The following SEMA3D variants were observed in gnomAD, a reference collection of about 807,000 sequenced individuals.
SEMA3D encodes the protein semaphorin 3D.
SEMA3D carries 84 observed loss-of-function variants against 100.1 expected under a neutral mutation model. That is an observed-to-expected ratio of 0.84 (90% CI 0.70 to 1.01). The LOEUF is 1.01. Ranked by LOEUF, SEMA3D falls within the 50% of genes least tolerant of loss-of-function variation. SEMA3D has a pLI of 0.00. For missense variants in SEMA3D, 875 were observed against 934.1 expected (o/e 0.94, Z 0.82); for synonymous variants, 312 against 320.7 (o/e 0.97, Z 0.29).
At chr7:85,012,027 A>C (rs1222209964) in intron 17 of SEMA3D, among the ~76,000 whole-genome samples, 3 of 151,658 alleles carry the variant, frequency 2.0e-5, no homozygotes, top group African/African-American at 7.3e-5. Context: ...AAGTAGCTGC[A>C]GCTCTGGAAT....
chr7:85,040,753 G>A lies in SEMA3D; in HGVS notation c.977-11C>T, dbSNP rs753405227. On this transcript the variant is annotated splice_polypyrimidine_tract_variant and intron_variant, in intron 10 of 18. Transcript: ENST00000284136. Reference sequence around the variant, plus strand: ...GTAAATAAATATCTTCTATTAAAGGGGAAAAATAAATATTTACTCTTATTT... The same window carrying A: ...GTAAATAAATATCTTCTATTAAAGGAGAAAAATAAATATTTACTCTTATTT... The A allele has an allele frequency of 8.4e-7, 1 of 1,195,074 alleles. No homozygotes were observed. Among genetic ancestry groups the A allele is most frequent in the Non-Finnish European group, 1.2e-6 (1 of 806,498 alleles). 74.0% of individuals were successfully genotyped at this position (1,195,074 alleles called of 1,614,324 possible). A position where few individuals can be genotyped will look rare whatever the true frequency, so the allele number is the denominator to read the frequency against.
chr7:85,072,830 C>A lies in SEMA3D; in HGVS notation c.495+132G>T, dbSNP rs1307549033. The A allele has an allele frequency of 4.4e-6, 3 of 681,080 alleles. No homozygotes were observed. The Admixed American group carries it at 1.0e-4, about 24-fold the overall frequency. The allele number at this position is 681,080 out of a possible 1,614,324, so 42.2% of individuals were successfully genotyped here. On this transcript the variant is annotated intron_variant, in intron 6 of 18. Coordinates refer to ENST00000284136, the MANE Select transcript of SEMA3D (RefSeq NM_001384900.1). ...TTCATCCTCCTGAGTATTGGCATTA[C>A]AGGCAGGCACCTCCATGCCTGGCCA...
At chr7:85,206,609 AT>A in the SEMA3D span, among the ~76,000 whole-genome samples, 2 of 152,104 alleles carry the variant, frequency 1.3e-5, no homozygotes, top group Non-Finnish European at 2.9e-5. Flanking sequence ...AACCAGTTAC[AT>A]GTTCTTAGGT....
At chr7:85,223,364 A>G in the SEMA3D span, among the ~76,000 whole-genome samples, 1 of 151,928 alleles carries the variant, frequency 6.6e-6, no homozygotes, top group African/African-American at 2.4e-5. Context: ...TCAATCCAGC[A>G]CTCCCACTAC....
At chr7:85,073,312 C>T (rs1791828976) in intron 5 of SEMA3D, among the ~76,000 whole-genome samples, 1 of 152,184 alleles carries the variant, frequency 6.6e-6, no homozygotes, top group African/African-American at 2.4e-5. Flanking sequence ...AACCATTGAA[C>T]TAATCAGAAT....
rs117036040 is a variant in SEMA3D at position 85,139,047 on chromosome 7, G to A, written c.-41+14561C>T. Among the ~76,000 whole-genome samples, 1,277 of 152,168 alleles carry A rather than the reference G, an allele frequency of 8.4e-3. 5 individuals are homozygous for A. The highest frequency in any genetic ancestry group is 0.013 in the Non-Finnish European group (859 of 68,006). ...TTTTGGCAGTCATAAGTATAAGGGT[G>A]GCATTTATGAGAGGTGAGATTGCCA... On this transcript the variant is annotated intron_variant, in intron 2 of 18. Transcript: ENST00000284136.
At chr7:85,192,289 T>A in the SEMA3D span, among the ~76,000 whole-genome samples, 1 of 152,058 alleles carries the variant, frequency 6.6e-6, no homozygotes, top group Admixed American at 6.6e-5. Flanking sequence ...ACTTAGTAAC[T>A]AAGTGAATGT....
At chr7:85,098,417 TTAA>T (rs538493182) in intron 3 of SEMA3D, among the ~76,000 whole-genome samples, 26 of 151,998 alleles carry the variant, frequency 1.7e-4, no homozygotes, top group Admixed American at 4.6e-4. Flanking sequence ...TCTATATATA[TTAA>T]TATTTGCAAA....
intron 3 of SEMA3D, among the ~76,000 whole-genome samples, chr7:85,109,855 A>C (rs539435220): frequency 3.3e-5 from 5 of 152,022 alleles, no homozygotes; most frequent in Admixed American, 2.0e-4. Flanking sequence ...GCAGTTGCAC[A>C]TAAAAACTTT....
chr7:85,022,671 C>G, intron 12 of SEMA3D, 58 bp from the exon 13 acceptor site: 1 of 1,088,040 alleles, frequency 9.2e-7, no homozygotes, highest in Non-Finnish European at 1.4e-6. Flanking sequence ...GAAGTTCACA[C>G]TTATTTCCAA....
chr7:85,054,476 T>C (rs527963777), intron 9 of SEMA3D, among the ~76,000 whole-genome samples: 1 of 152,226 alleles, frequency 6.6e-6, no homozygotes, highest in South Asian at 2.1e-4. Context: ...TGTGAATTCT[T>C]AGAGTCTGAA....
chr7:85,188,861 A>T (rs1324962345), upstream of SEMA3D, among the ~76,000 whole-genome samples: 1 of 152,172 alleles, frequency 6.6e-6, no homozygotes, highest in Non-Finnish European at 1.5e-5. Flanking sequence ...AAGCACTTTG[A>T]TTTCACTACT....
the SEMA3D span, among the ~76,000 whole-genome samples, chr7:85,237,545 T>G: frequency 6.6e-6 from 1 of 152,314 alleles, no homozygotes; most frequent in East Asian, 1.9e-4. Context: ...TATGTAGACT[T>G]TTAAGATGGT....
At chr7:85,170,502 T>TA (rs1195724375) in intron 1 of SEMA3D, among the ~76,000 whole-genome samples, 2 of 151,898 alleles carry the variant, frequency 1.3e-5, no homozygotes, top group Non-Finnish European at 2.9e-5. Context: ...GAGAGATATA[T>TA]AAAAAGTTCT....
rs1016546908 is a variant in SEMA3D, at chr7:85,185,946, A to T, written c.-173+732T>A. 2.0e-5 allele frequency among the ~76,000 whole-genome samples: 3 copies of T among 152,202 alleles called. No homozygotes were observed. The East Asian group carries it at 5.8e-4, about 29-fold the overall frequency. ...CCCACTACTACAAAGAGATCCCCCG[A>T]GTGTTTTGCCTTAACCACATTTCAG... On this transcript the variant is annotated intron_variant, in intron 1 of 18. Coordinates refer to ENST00000284136, the MANE Select transcript of SEMA3D (RefSeq NM_001384900.1).
intron 1 of SEMA3D, among the ~76,000 whole-genome samples, chr7:85,158,208 A>T (rs1177416956): frequency 6.6e-6 from 1 of 152,078 alleles, no homozygotes; most frequent in Non-Finnish European, 1.5e-5. Context: ...ATAACCTTAA[A>T]CTCTGACTGC....
chr7:85,097,872 A>T lies in SEMA3D; in HGVS notation c.245T>A (p.Leu82Gln), dbSNP rs750406571. 8 of 1,609,538 alleles carry T rather than the reference A, an allele frequency of 5.0e-6. No individual in the cohort carries two copies. In the Admixed American group the frequency reaches 1.2e-4, roughly 24 times the overall value. ...TLLLDEERGRLLLGAKDHIFL... is the reference protein window; with the variant it reads ...TLLLDEERGRQLLGAKDHIFL... ...GATGTGGTCTTTGGCTCCCAAGAGC[A>T]GCCTGCCTCTTTCCTCATCTAAGAG... The change falls in exon 4 of 19, where the codon CTG becomes CAG. Residue 82 changes from leucine to glutamine, a missense_variant. Transcript: ENST00000284136.
At position 85,068,239 on chromosome 7, in the gene SEMA3D, G is replaced by A; in HGVS notation, c.541C>T (p.Leu181=). ...TGCTGAGGATCGAAAGGACATTTCAGTCTGCCAGACTCCAAATTATGTGTG... is the reference window on the plus strand; with the variant it reads ...TGCTGAGGATCGAAAGGACATTTCAATCTGCCAGACTCCAAATTATGTGTG... ...LDTHNLESGR[L]KCPFDPQQPF... Residue 181 remains leucine, a synonymous_variant, in exon 7 of 19, where the codon CTG becomes TTG. Coordinates refer to ENST00000284136, the MANE Select transcript of SEMA3D (RefSeq NM_001384900.1). The A allele has an allele frequency of 6.2e-7, 1 of 1,609,078 alleles. No homozygotes were observed. Among genetic ancestry groups the A allele is most frequent in the South Asian group, 1.1e-5 (1 of 90,944 alleles).
chr7:85,072,669 C>T (rs1791808047), intron 6 of SEMA3D, among the ~76,000 whole-genome samples: 1 of 152,102 alleles, frequency 6.6e-6, no homozygotes. Context: ...AAATGATAGT[C>T]CATAGAATGG....
Sources: allele counts gnomAD v4.1 joint callset (sites outside exome capture counted in the v4.1 genomes callset), GRCh38; gene constraint gnomAD v4.1.1; transcripts MANE v1.5; gene names NCBI Gene and HGNC (gene_info 2026-07-23, HGNC 2026-07-21).